AGPAT4: variants seen among roughly 807,000 people sequenced by gnomAD.
The protein encoded by AGPAT4 is 1-acylglycerol-3-phosphate O-acyltransferase 4.
AGPAT4 carries 15 observed loss-of-function variants against 48.0 expected under a neutral mutation model. The ratio of observed to expected loss-of-function variants is 0.31; its 90% CI spans 0.21 to 0.48. The LOEUF is 0.48. Among genes scored for constraint, AGPAT4 ranks in the 20% least tolerant of loss-of-function variants. AGPAT4 has a pLI of 0.99. For synonymous variants in AGPAT4, 178 were observed against 198.7 expected (o/e 0.90, Z 0.88); for missense variants, 314 against 482.5 (o/e 0.65, Z 3.27).
rs1331848502 is a variant in AGPAT4, at chr6:161,208,135, A to C, written c.178+23901T>G. On this transcript the variant is annotated intron_variant, in intron 2 of 8. Coordinates refer to ENST00000320285, the MANE Select transcript of AGPAT4 (RefSeq NM_020133.3). This position sits in a 1 kb window ranked among gnomAD's most constrained non-coding sequence, Gnocchi z 4.6. ...CAAGGCTAGGCTGAGTTCCAATTCT[A>C]ATAAGAAAAAAACTGAACTGTCAGA... 6.6e-6 allele frequency among the ~76,000 whole-genome samples: 1 copy of C among 152,164 alleles called. No individual in the cohort carries two copies. The highest frequency in any genetic ancestry group is 1.5e-5 in the Non-Finnish European group (1 of 68,038).
Position 161,137,702 on chromosome 6 carries a change from A to G in AGPAT4, c.1043-1068T>C, listed in dbSNP as rs1025718172. ...TGCAGTCAGGCGCAGGCTCAGAGTA[A>G]TGGGGCACGGCAGTCAGCTCCTCAG... On this transcript the variant is annotated intron_variant, in intron 8 of 8. Coordinates refer to ENST00000320285, the MANE Select transcript of AGPAT4 (RefSeq NM_020133.3). The surrounding 1 kb of genome is among the most constrained non-coding windows in gnomAD (Gnocchi z 6.1). Among the ~76,000 whole-genome samples the G allele has an allele frequency of 9.9e-5, 15 of 152,238 alleles. No homozygotes were observed. The highest frequency in any genetic ancestry group is 2.1e-4 in the South Asian group (1 of 4,820).
Position 161,197,607 on chromosome 6 carries a change from C to G in AGPAT4, c.179-31190G>C, listed in dbSNP as rs530628359. Among the ~76,000 whole-genome samples, 4 of 152,172 alleles carry G rather than the reference C, an allele frequency of 2.6e-5. No homozygotes were observed. Among genetic ancestry groups the G allele is most frequent in the African/African-American group, 9.7e-5 (4 of 41,442 alleles). On this transcript the variant is annotated intron_variant, in intron 2 of 8. Transcript: ENST00000320285. This position sits in a 1 kb window ranked among gnomAD's most constrained non-coding sequence, Gnocchi z 5.7. ...TGTTTTCCTCTCCTGAACCACTCTG[C>G]CTCCTTGCCAGACATCTTTACATTC... is the stretch of plus-strand genomic sequence containing the variant.
Position 161,165,504 on chromosome 6 carries a change from G to T in AGPAT4, c.348+744C>A. The T allele has an allele frequency of 1.0e-6, 1 of 991,810 alleles. No homozygotes were observed. Among genetic ancestry groups the T allele is most frequent in the Non-Finnish European group, 1.3e-6 (1 of 767,528 alleles). The allele number at this position is 991,810 out of a possible 1,614,324, so 61.4% of individuals were successfully genotyped here. A position where few individuals can be genotyped will look rare whatever the true frequency, so the allele number is the denominator to read the frequency against. The stretch of plus-strand genomic sequence containing the variant: ...GTGCAAAACCTGATCTCTAAGTTCT[G>T]GTGCAAACTCTTAGGACCTTTCCTA... On this transcript the variant is annotated intron_variant, in intron 3 of 8. Transcript: ENST00000320285. This position sits in a 1 kb window ranked among gnomAD's most constrained non-coding sequence, Gnocchi z 5.5.
chr6:161,157,062 C>G (rs866462533), intron 3 of AGPAT4, among the ~76,000 whole-genome samples: 11 of 152,234 alleles, frequency 7.2e-5, no homozygotes, highest in African/African-American at 2.4e-4. Context: ...CCTGATTTCC[C>G]ACTTCACATC....
chr6:161,173,354 C>T (rs887030142), intron 2 of AGPAT4, among the ~76,000 whole-genome samples: 11 of 152,194 alleles, frequency 7.2e-5, no homozygotes, highest in African/African-American at 2.7e-4. Context: ...CATGAGATGG[C>T]ATATCATTGT....
At chr6:161,150,705 C>G (rs1325879116) in intron 5 of AGPAT4, among the ~76,000 whole-genome samples, 1 of 152,210 alleles carries the variant, frequency 6.6e-6, no homozygotes, top group Non-Finnish European at 1.5e-5. Flanking sequence ...GGACTGTTCT[C>G]CTGAGCCCTC....
chr6:161,145,516 G>A (rs1779392622), intron 7 of AGPAT4, among the ~76,000 whole-genome samples: 2 of 151,594 alleles, frequency 1.3e-5, no homozygotes, highest in Non-Finnish European at 2.9e-5. Flanking sequence ...GAGCTTCTCT[G>A]CTAAAGGTGA....
rs116037933 is a variant in AGPAT4 at position 161,193,364 on chromosome 6, A to G, written c.179-26947T>C. On this transcript the variant is annotated intron_variant, in intron 2 of 8. Coordinates refer to ENST00000320285, the MANE Select transcript of AGPAT4 (RefSeq NM_020133.3). Reference sequence around the variant, plus strand: ...GATTCATTTTAAAACCTCCTAGGTTAATTTTTACAGTTTATTGTTTCTGAC... The same window carrying G: ...GATTCATTTTAAAACCTCCTAGGTTGATTTTTACAGTTTATTGTTTCTGAC... Among the ~76,000 whole-genome samples the G allele has an allele frequency of 9.5e-3, 1,442 of 152,284 alleles. 22 individuals are homozygous for G. The highest frequency in any genetic ancestry group is 0.033 in the African/African-American group (1,387 of 41,550).
At chr6:161,170,464 TGCGC>T (rs143568421) in intron 2 of AGPAT4, among the ~76,000 whole-genome samples, 2,952 of 137,666 alleles carry the variant, frequency 0.021, 100 homozygotes, top group African/African-American at 0.077. Context: ...CGTGCACACG[TGCGC>T]GCGCGCACAC....
In AGPAT4 at chr6:161,240,363, AG is replaced by A. The variant is rs1366384035; in HGVS notation, c.-89-8062del. Among the ~76,000 whole-genome samples, 1 of 152,130 alleles carries A rather than the reference AG, an allele frequency of 6.6e-6. No individual in the cohort carries two copies. The highest frequency in any genetic ancestry group is 1.5e-5 in the Non-Finnish European group (1 of 68,012). On this transcript the variant is annotated intron_variant, in intron 1 of 8. Transcript: ENST00000320285. This position sits in a 1 kb window ranked among gnomAD's most constrained non-coding sequence, Gnocchi z 5.5. ...GAAGAAACTGACAAGGTGCACTCCA[AG>A]ATCCCTTCCAAGTCAAACACACGGC...
Position 161,140,758 on chromosome 6 carries a change from C to CT in AGPAT4, c.844-1139dup, listed in dbSNP as rs1369698139. Among the ~76,000 whole-genome samples the CT allele has an allele frequency of 6.6e-6, 1 of 152,216 alleles. No homozygotes were observed. Among genetic ancestry groups the CT allele is most frequent in the Non-Finnish European group, 1.5e-5 (1 of 68,036 alleles). ...GAGGAGGGGCCAGGGCAGAAGCTGCCTGCAGGGAGCAGAGCTGAACCAGGC... is the reference window on the plus strand; with the variant it reads ...GAGGAGGGGCCAGGGCAGAAGCTGCCTTGCAGGGAGCAGAGCTGAACCAGGC... On this transcript the variant is annotated intron_variant, in intron 7 of 8. Coordinates refer to ENST00000320285, the MANE Select transcript of AGPAT4 (RefSeq NM_020133.3). This position sits in a 1 kb window ranked among gnomAD's most constrained non-coding sequence, Gnocchi z 6.5.
In AGPAT4 at chr6:161,215,159, A is replaced by C. The variant is rs571765474; in HGVS notation, c.178+16877T>G. Among the ~76,000 whole-genome samples the C allele has an allele frequency of 6.6e-6, 1 of 152,236 alleles. No homozygotes were observed. The highest frequency in any genetic ancestry group is 2.4e-5 in the African/African-American group (1 of 41,466). On this transcript the variant is annotated intron_variant, in intron 2 of 8. Coordinates refer to ENST00000320285, the MANE Select transcript of AGPAT4 (RefSeq NM_020133.3). This position sits in a 1 kb window ranked among gnomAD's most constrained non-coding sequence, Gnocchi z 4.5. Reference sequence around the variant, plus strand: ...TGAGTACAATTTTAATACTATTACAAGAGTCTTCACAATTTGGCAAGCTAC... The same window carrying C: ...TGAGTACAATTTTAATACTATTACACGAGTCTTCACAATTTGGCAAGCTAC...
At position 161,134,745 on chromosome 6, in the gene AGPAT4, A is replaced by ACTTCT. The variant is rs1779011501; in HGVS notation, c.*1794_*1795insAGAAG. 1 of 152,008 alleles carries ACTTCT rather than the reference A, an allele frequency of 6.6e-6. No homozygotes were observed. The highest frequency in any genetic ancestry group is 1.5e-5 in the Non-Finnish European group (1 of 68,074). 9.4% of individuals were successfully genotyped at this position (152,008 alleles called of 1,614,324 possible). On this transcript the variant is annotated 3_prime_UTR_variant, in exon 9 of 9. Coordinates refer to ENST00000320285, the MANE Select transcript of AGPAT4 (RefSeq NM_020133.3). The stretch of plus-strand genomic sequence containing the variant: ...TGCTCACAGACACGCAAGGCTACAC[A>ACTTCT]CCATGCACACCTCCACTTCTCCAAG...
intron 1 of AGPAT4, among the ~76,000 whole-genome samples, chr6:161,256,202 G>A (rs1288458886): frequency 1.3e-5 from 2 of 152,146 alleles, no homozygotes; most frequent in Non-Finnish European, 2.9e-5. Context: ...AAGTAGGACT[G>A]GCCCTTACCC....
chr6:161,199,966 GAAC>G (rs200471287), intron 2 of AGPAT4, among the ~76,000 whole-genome samples: 2,467 of 152,276 alleles, frequency 0.016, 29 homozygotes, highest in Non-Finnish European at 0.025. Context: ...TGCCCCCTGA[GAAC>G]AACGGCTTGT....
rs1338875578 is a variant in AGPAT4, at chr6:161,215,861, C to T, written c.178+16175G>A. 6.6e-6 allele frequency among the ~76,000 whole-genome samples: 1 copy of T among 152,150 alleles called. No homozygotes were observed. The highest frequency in any genetic ancestry group is 1.5e-5 in the Non-Finnish European group (1 of 68,032). On this transcript the variant is annotated intron_variant, in intron 2 of 8. Transcript: ENST00000320285. This position sits in a 1 kb window ranked among gnomAD's most constrained non-coding sequence, Gnocchi z 4.5. ...TTATTCGTAATACAGCATTACCTTT[C>T]AAACTATACATCAAATTGAGTAGAG...
chr6:161,273,668 G>C (rs892342914), intron 1 of AGPAT4, among the ~76,000 whole-genome samples: 1 of 152,058 alleles, frequency 6.6e-6, no homozygotes, highest in African/African-American at 2.4e-5. Context: ...ACAGCAGCTT[G>C]AAATCACAGC....
rs1778906345 is a variant in AGPAT4, at chr6:161,131,743, C to G, written c.*4797G>C. 6.6e-6 allele frequency: 1 copy of G among 152,228 alleles called. No individual in the cohort carries two copies. The highest frequency in any genetic ancestry group is 6.5e-5 in the Admixed American group (1 of 15,284). The allele number at this position is 152,228 out of a possible 1,614,324, so 9.4% of individuals were successfully genotyped here. On this transcript the variant is annotated 3_prime_UTR_variant, in exon 9 of 9. Coordinates refer to ENST00000320285, the MANE Select transcript of AGPAT4 (RefSeq NM_020133.3). ...AAACAGTTGAATGTCGTGATCGATA[C>G]TATGTCAGTTGGTGATGAATGCTGT...
chr6:161,139,369 C>A lies in AGPAT4; in HGVS notation c.1042+53G>T. On this transcript the variant is annotated intron_variant, in intron 8 of 8. Transcript: ENST00000320285. The surrounding 1 kb of genome is among the most constrained non-coding windows in gnomAD (Gnocchi z 9.1). ...GGCCTTCGTCCCAGCCCTGATGCCA[C>A]CTCTCCCAGGGTGGTGCTGTCAGCA... is the stretch of plus-strand genomic sequence containing the variant. 2 of 1,591,148 alleles carry A rather than the reference C, an allele frequency of 1.3e-6. No individual in the cohort carries two copies. Among genetic ancestry groups the A allele is most frequent in the Non-Finnish European group, 1.7e-6 (2 of 1,163,542 alleles).
Sources: gnomAD v4.1 joint callset for allele counts (sites outside exome capture counted in the v4.1 genomes callset) on GRCh38, gnomAD v4.1.1 for gene constraint, Gnocchi (gnomAD v3.1) non-coding constraint, MANE v1.5 for transcripts, NCBI Gene and HGNC (gene_info 2026-07-23, HGNC 2026-07-21) for gene names.